Variants in NCALD observed in about 807,000 individuals in gnomAD.
The protein encoded by NCALD is neurocalcin-delta.
NCALD carries 10 observed loss-of-function variants against 18.6 expected under a neutral mutation model. That is an observed-to-expected ratio of 0.54 (90% CI 0.33 to 0.91). The LOEUF is 0.91. Ranked by LOEUF, NCALD falls within the 40% of genes least tolerant of loss-of-function variation. The pLI, the probability that NCALD is intolerant of heterozygous loss-of-function variation, is 0.03. For missense variants in NCALD, 184 were observed against 247.6 expected, an observed-to-expected ratio of 0.74 and a Z score of 1.72; for synonymous variants, 88 against 87.4, an observed-to-expected ratio of 1.01 and a Z score of -0.04.
intron 2 of NCALD, among the ~76,000 whole-genome samples, chr8:101,995,524 G>A (rs1563521482): frequency 6.6e-6 from 1 of 152,110 alleles, no homozygotes; most frequent in East Asian, 1.9e-4. Flanking sequence ...GGGGTAGCAG[G>A]CACATCACAT....
At chr8:101,968,157 A>T (rs1407967147) in intron 2 of NCALD, among the ~76,000 whole-genome samples, 1 of 152,178 alleles carries the variant, frequency 6.6e-6, no homozygotes, top group East Asian at 1.9e-4. Context: ...CTAAGCCCCA[A>T]ACTCTGGAGT....
In NCALD at chr8:101,941,369, C is replaced by T. The variant is rs116192209; in HGVS notation, c.-156-25511G>A. 9.0e-3 allele frequency among the ~76,000 whole-genome samples: 1,378 copies of T among 152,354 alleles called. 13 individuals carry two copies. The highest frequency in any genetic ancestry group is 0.026 in the African/African-American group (1,077 of 41,590). On this transcript the variant is annotated intron_variant, in intron 2 of 6. Transcript: ENST00000311028. ...CTCCTATGAGAATCCAAGGCCACTG[C>T]GGATCTGACAGGAGGCAGAGCTCAG...
At chr8:102,008,917 T>TACACACACACACAC (rs761346653) in intron 2 of NCALD, among the ~76,000 whole-genome samples, 65 of 38,536 alleles carry the variant, frequency 1.7e-3, no homozygotes, top group African/African-American at 6.8e-3. Flanking sequence ...CCCGCCCCCC[T>TACACACACACACAC]ACACACACAC....
At chr8:101,944,986 A>G (rs921940143) in intron 2 of NCALD, among the ~76,000 whole-genome samples, 14 of 152,220 alleles carry the variant, frequency 9.2e-5, no homozygotes, top group African/African-American at 3.4e-4. Flanking sequence ...CACAACACAA[A>G]AGAGAGAGCA....
In NCALD at chr8:101,937,108, C is replaced by T. The variant is rs140040561; in HGVS notation, c.-156-21250G>A. Among the ~76,000 whole-genome samples the T allele has an allele frequency of 6.0e-4, 91 of 152,208 alleles. 1 individual carries two copies. In the East Asian group the frequency reaches 0.016, roughly 26 times the overall value. On this transcript the variant is annotated intron_variant, in intron 2 of 6. Coordinates refer to the NCALD transcript ENST00000311028. ...TGAATAAACCATTAAATGATCCTAA[C>T]CAAGAAGAACCTAACAAAGAAGTGA...
At chr8:101,996,514 C>T (rs1415284984) in intron 2 of NCALD, among the ~76,000 whole-genome samples, 1 of 152,208 alleles carries the variant, frequency 6.6e-6, no homozygotes, top group Non-Finnish European at 1.5e-5. Flanking sequence ...TGGTTACTGA[C>T]AGGGGTTTTA....
chr8:101,957,250 T>A, intron 2 of NCALD, among the ~76,000 whole-genome samples: 1 of 144,586 alleles, frequency 6.9e-6, no homozygotes. Flanking sequence ...AAAAAGAAAA[T>A]AATTATTAAA....
intron 1 of NCALD, among the ~76,000 whole-genome samples, chr8:102,104,535 T>TG (rs1347554153): frequency 1.1e-4 from 17 of 152,290 alleles, no homozygotes; most frequent in African/African-American, 3.8e-4. Context: ...GGCCTACCCC[T>TG]GCACTTGGGA....
At position 101,778,694 on chromosome 8, in the gene NCALD, C is replaced by T. The variant is rs143782738; in HGVS notation, c.-20+12168G>A. ...AGAAAATATGGGAAAAAAGTTAAGACCATAGAGGAGAGATCCAAGAGACCT... is the reference window on the plus strand; with the variant it reads ...AGAAAATATGGGAAAAAAGTTAAGATCATAGAGGAGAGATCCAAGAGACCT... On this transcript the variant is annotated intron_variant, in intron 1 of 3. Coordinates refer to ENST00000220931, the MANE Select transcript of NCALD (RefSeq NM_032041.3). 2.2e-3 allele frequency among the ~76,000 whole-genome samples: 328 copies of T among 151,968 alleles called. 2 individuals carry two copies. Among genetic ancestry groups the T allele is most frequent in the African/African-American group, 7.5e-3 (313 of 41,468 alleles).
chr8:102,082,224 C>CTTTTTTTTTTTTTTTTTTT (rs1362023921), intron 1 of NCALD, among the ~76,000 whole-genome samples: 4 of 109,482 alleles, frequency 3.7e-5, no homozygotes, highest in African/African-American at 1.1e-4. Context: ...GAGAAGCTCT[C>CTTTTTTTTTTTTTTTTTTT]TCTTTTTTTT....
intron 2 of NCALD, among the ~76,000 whole-genome samples, chr8:101,953,711 G>A (rs1187345295): frequency 6.6e-6 from 1 of 152,270 alleles, no homozygotes; most frequent in Non-Finnish European, 1.5e-5. Flanking sequence ...GCTATTATAA[G>A]ATGATCATGT....
At chr8:101,962,109 A>C (rs1238596100) in intron 2 of NCALD, among the ~76,000 whole-genome samples, 2 of 152,202 alleles carry the variant, frequency 1.3e-5, no homozygotes, top group Non-Finnish European at 2.9e-5. Flanking sequence ...AAAATGCAGA[A>C]GTCCATACTT....
intron 1 of NCALD, among the ~76,000 whole-genome samples, chr8:101,756,295 A>C (rs1810877259): frequency 6.6e-6 from 1 of 152,134 alleles, no homozygotes; most frequent in Admixed American, 6.5e-5. Flanking sequence ...CATTAAGAGG[A>C]CTTCACTCAG....
chr8:101,817,548 GTTTTTGC>G (rs1813546677), intron 4 of NCALD, among the ~76,000 whole-genome samples: 1 of 149,100 alleles, frequency 6.7e-6, no homozygotes, highest in South Asian at 2.2e-4. Flanking sequence ...AGTTATGTTG[GTTTTTGC>G]TTCTTTAGCC....
chr8:101,907,538 T>C (rs1817651123), intron 3 of NCALD, among the ~76,000 whole-genome samples: 1 of 151,234 alleles, frequency 6.6e-6, no homozygotes. Flanking sequence ...AATATTTTAT[T>C]AATTTCTTAT....
At chr8:101,803,648 G>A (rs1179010449) in intron 4 of NCALD, among the ~76,000 whole-genome samples, 1 of 152,278 alleles carries the variant, frequency 6.6e-6, no homozygotes, top group Admixed American at 6.5e-5. Context: ...ATTCATGGGA[G>A]GAGGCCAAAA....
At chr8:102,032,267 A>G (rs1017120469) in intron 1 of NCALD, among the ~76,000 whole-genome samples, 3 of 152,036 alleles carry the variant, frequency 2.0e-5, no homozygotes, top group Admixed American at 6.6e-5. Flanking sequence ...ACGGCCACCT[A>G]CTCCTGATAC....
At chr8:102,017,363 A>T (rs1167770868) in intron 2 of NCALD, among the ~76,000 whole-genome samples, 6 of 152,294 alleles carry the variant, frequency 3.9e-5, no homozygotes, top group South Asian at 2.1e-4. Flanking sequence ...TAAAAAAAAA[A>T]ATAAGAAAAT....
chr8:102,091,514 T>C (rs985217876), intron 1 of NCALD, among the ~76,000 whole-genome samples: 13 of 152,194 alleles, frequency 8.5e-5, no homozygotes, highest in African/African-American at 2.2e-4. Context: ...TCTAGGCACA[T>C]TGTAATCATC....
Sources: allele counts gnomAD v4.1 joint callset (sites outside exome capture counted in the v4.1 genomes callset), GRCh38; gene constraint gnomAD v4.1.1; transcripts MANE v1.5; gene names NCBI Gene and HGNC (gene_info 2026-07-23, HGNC 2026-07-21).